Variants in HAPLN1 observed in about 807,000 individuals in gnomAD.
The protein encoded by HAPLN1 is hyaluronan and proteoglycan link protein 1.
Under a neutral mutation model 36.5 loss-of-function variants are expected in HAPLN1, and 13 were observed. The ratio of observed to expected loss-of-function variants is 0.36; its 90% CI spans 0.23 to 0.57. The LOEUF is 0.57. Ranked by LOEUF, HAPLN1 falls within the 20% of genes least tolerant of loss-of-function variation. The pLI, the probability that HAPLN1 is intolerant of heterozygous loss-of-function variation, is 0.83. For synonymous variants in HAPLN1, 202 were observed against 169.8 expected, an observed-to-expected ratio of 1.19 and a Z score of -1.48; for missense variants, 407 against 439.7, an observed-to-expected ratio of 0.93 and a Z score of 0.66.
At chr5:83,648,649 A>G (rs1298858144) in intron 3 of HAPLN1, among the ~76,000 whole-genome samples, 2 of 151,892 alleles carry the variant, frequency 1.3e-5, no homozygotes, top group Non-Finnish European at 2.9e-5. Flanking sequence ...GTGCAATTAC[A>G]GTTGGAAAAG....
At chr5:83,695,588 A>G (rs1034452589) in intron 1 of HAPLN1, among the ~76,000 whole-genome samples, 2 of 139,616 alleles carry the variant, frequency 1.4e-5, no homozygotes, top group Non-Finnish European at 3.1e-5. Flanking sequence ...ATATAGAGAT[A>G]AATATATATC....
chr5:83,681,268 A>G (rs1409480204), intron 1 of HAPLN1, among the ~76,000 whole-genome samples: 3 of 152,152 alleles, frequency 2.0e-5, no homozygotes, highest in Non-Finnish European at 4.4e-5. Flanking sequence ...CTTATTCCCT[A>G]GTGAATTGGA....
intron 2 of HAPLN1, among the ~76,000 whole-genome samples, chr5:83,662,105 G>C (rs944538544): frequency 1.1e-4 from 16 of 152,032 alleles, no homozygotes; most frequent in Non-Finnish European, 1.5e-4. Flanking sequence ...GTTTTGCCAT[G>C]TTGGCCAGGC....
intron 2 of HAPLN1, among the ~76,000 whole-genome samples, chr5:83,667,114 G>A (rs1295965540): frequency 6.6e-6 from 1 of 152,270 alleles, no homozygotes; most frequent in Non-Finnish European, 1.5e-5. Context: ...CACTACATAA[G>A]CACCTAACAC....
intron 1 of HAPLN1, among the ~76,000 whole-genome samples, chr5:83,684,833 C>T (rs1425039821): frequency 2.0e-5 from 3 of 152,088 alleles, no homozygotes; most frequent in African/African-American, 7.2e-5. Flanking sequence ...CTTTACATAC[C>T]TCATAAGAAG....
chr5:83,670,578 G>C (rs189570909), intron 2 of HAPLN1, among the ~76,000 whole-genome samples: 115 of 152,270 alleles, frequency 7.6e-4, no homozygotes, highest in Non-Finnish European at 1.3e-3. Context: ...ATGGGAAGCT[G>C]GGAGAGATTT....
At position 83,652,461 on chromosome 5, in the gene HAPLN1, T is replaced by G; in HGVS notation, c.464A>C (p.Asp155Ala). The G allele has an allele frequency of 1.2e-6, 2 of 1,612,784 alleles. No individual in the cohort carries two copies. The highest frequency in any genetic ancestry group is 2.2e-5 in the South Asian group (2 of 90,814). Reference protein sequence around the residue: ...LEDDTVVVALDLQGVVFPYFP... With the variant: ...LEDDTVVVALALQGVVFPYFP... The stretch of plus-strand genomic sequence containing the variant: ...GACTTATAGATACATACCTTGTAAG[T>G]CCAGTGCTACCACAACAGTATCATC... Residue 155 changes from aspartate (D) to alanine (A), a missense_variant, in exon 3 of 5, where the codon GAC (aspartate) becomes GCC (alanine). Transcript: ENST00000274341.
intron 3 of HAPLN1, among the ~76,000 whole-genome samples, chr5:83,648,218 A>C (rs10473875): frequency 0.6 from 91,014 of 150,600 alleles, 27,673 homozygotes; most frequent in South Asian, 0.67. Context: ...ATTCTGTATG[A>C]AAATGCCGTG....
intron 2 of HAPLN1, among the ~76,000 whole-genome samples, chr5:83,670,147 T>C (rs1279896660): frequency 1.3e-5 from 2 of 152,206 alleles, no homozygotes; most frequent in East Asian, 3.8e-4. Context: ...TCTCTAAAAT[T>C]CTATGGTAGT....
intron 1 of HAPLN1, among the ~76,000 whole-genome samples, chr5:83,677,634 G>A (rs1039087597): frequency 1.3e-5 from 2 of 152,150 alleles, no homozygotes; most frequent in Non-Finnish European, 2.9e-5. Flanking sequence ...AGGAAGAAAA[G>A]TGAGCTCTAT....
intron 1 of HAPLN1, 21 bp downstream of exon 1, chr5:83,720,768 G>A (rs900911220): frequency 6.6e-6 from 1 of 152,214 alleles, no homozygotes; most frequent in Non-Finnish European, 1.5e-5. Flanking sequence ...AAAAGAGGGG[G>A]AAACAATTTG....
chr5:83,667,255 T>C lies in HAPLN1; in HGVS notation c.100+6169A>G, dbSNP rs140944674. On this transcript the variant is annotated intron_variant, in intron 2 of 4. Coordinates refer to ENST00000274341, the MANE Select transcript of HAPLN1 (RefSeq NM_001884.4). ...CTTTTGAGCTCATTTATTATATTAA[T>C]ATGGTGATATTCCAAGTTTGATCAA... Among the ~76,000 whole-genome samples the C allele has an allele frequency of 3.5e-4, 53 of 152,282 alleles. No homozygotes were observed. In the East Asian group the frequency reaches 7.9e-3, roughly 23 times the overall value.
At chr5:83,690,088 A>G (rs1751237027) in intron 1 of HAPLN1, among the ~76,000 whole-genome samples, 1 of 152,052 alleles carries the variant, frequency 6.6e-6, no homozygotes, top group Non-Finnish European at 1.5e-5. Context: ...GGCAATCTTC[A>G]GTTTACTTAA....
chr5:83,659,130 C>G (rs1299822157), intron 2 of HAPLN1, among the ~76,000 whole-genome samples: 2 of 152,098 alleles, frequency 1.3e-5, no homozygotes. Flanking sequence ...AAAAATTAGC[C>G]AGGCATGGTG....
At chr5:83,704,907 T>G (rs1484862506) in intron 1 of HAPLN1, among the ~76,000 whole-genome samples, 2 of 152,364 alleles carry the variant, frequency 1.3e-5, no homozygotes, top group Non-Finnish European at 2.9e-5. Flanking sequence ...CAAATGGATC[T>G]GATAGACCTC....
chr5:83,645,475 C>CTGTTTTTTTTTTTT (rs1749836848), intron 3 of HAPLN1, among the ~76,000 whole-genome samples: 1 of 74,370 alleles, frequency 1.3e-5, no homozygotes, highest in Non-Finnish European at 2.5e-5. Flanking sequence ...CTTTTTCTTT[C>CTGTTTTTTTTTTTT]TTTTTTTTTT....
At chr5:83,665,809 A>G (rs1750535541) in intron 2 of HAPLN1, among the ~76,000 whole-genome samples, 1 of 152,182 alleles carries the variant, frequency 6.6e-6, no homozygotes, top group Non-Finnish European at 1.5e-5. Context: ...CTGAGCATGT[A>G]AATATTACTC....
intron 3 of HAPLN1, among the ~76,000 whole-genome samples, chr5:83,646,291 G>A (rs980195766): frequency 6.6e-6 from 1 of 152,172 alleles, no homozygotes; most frequent in Non-Finnish European, 1.5e-5. Context: ...GAAATAACTA[G>A]TATTTTGGCA....
intron 1 of HAPLN1, among the ~76,000 whole-genome samples, chr5:83,681,579 C>T (rs747200809): frequency 3.3e-5 from 5 of 151,808 alleles, no homozygotes; most frequent in East Asian, 1.9e-4. Flanking sequence ...GGTGAGATCA[C>T]GTCTCACTGC....
Sources: allele counts gnomAD v4.1 joint callset (sites outside exome capture counted in the v4.1 genomes callset), GRCh38; gene constraint gnomAD v4.1.1; transcripts MANE v1.5; gene names NCBI Gene and HGNC (gene_info 2026-07-23, HGNC 2026-07-21).